HAT1: variants seen among roughly 807,000 people sequenced by gnomAD.
HAT1 encodes the protein histone acetyltransferase 1.
Under a neutral mutation model 56.6 loss-of-function variants are expected in HAT1, and 20 were observed. The observed-to-expected ratio is 0.35, with a 90% CI of 0.25 to 0.51. The LOEUF (loss-of-function observed/expected upper bound fraction) is 0.51, where lower values mean the gene tolerates loss of function less well. HAT1 is among the 20% of genes least tolerant of loss of function. The probability of loss-of-function intolerance (pLI) is 0.95; values close to 1 mark genes in which losing one functional copy is unlikely to be tolerated. For synonymous variants in HAT1, 146 were observed against 165.5 expected (o/e 0.88, Z 0.91); for missense variants, 408 against 504.3 (o/e 0.81, Z 1.83).
intron 2 of HAT1, among the ~76,000 whole-genome samples, chr2:171,936,737 T>C (rs760916060): frequency 2.0e-5 from 3 of 152,164 alleles, no homozygotes; most frequent in Non-Finnish European, 2.9e-5. Flanking sequence ...TAAAATTATA[T>C]AATTAAGCTT....
At chr2:171,959,295 G>A (rs967255276) in intron 4 of HAT1, among the ~76,000 whole-genome samples, 1 of 152,164 alleles carries the variant, frequency 6.6e-6, no homozygotes. Flanking sequence ...TAAAAATGCA[G>A]GTGATGTTTT....
chr2:171,935,564 G>C (rs1038997320), intron 2 of HAT1, among the ~76,000 whole-genome samples: 2 of 150,690 alleles, frequency 1.3e-5, no homozygotes, highest in African/African-American at 4.9e-5. Context: ...AAGTCTTGGT[G>C]GGGGCTGAAG....
intron 2 of HAT1, among the ~76,000 whole-genome samples, chr2:171,940,782 A>G (rs887680079): frequency 4.6e-5 from 7 of 152,180 alleles, no homozygotes; most frequent in African/African-American, 1.4e-4. Flanking sequence ...GAGAATGTGA[A>G]TCACCTGTTG....
At chr2:171,945,725 G>C (rs1687146951) in intron 2 of HAT1, among the ~76,000 whole-genome samples, 1 of 152,050 alleles carries the variant, frequency 6.6e-6, no homozygotes, top group South Asian at 2.1e-4. Flanking sequence ...CTGCAGTGCA[G>C]TGGCACGATC....
At chr2:171,945,434 G>A (rs960515801) in intron 2 of HAT1, among the ~76,000 whole-genome samples, 1 of 151,732 alleles carries the variant, frequency 6.6e-6, no homozygotes, top group East Asian at 1.9e-4. Flanking sequence ...TAAACTGCTT[G>A]TGGGTGTATA....
chr2:171,977,545 ATATATATATATATTTTTTTTTT>A (rs1688011433), intron 9 of HAT1, among the ~76,000 whole-genome samples: 2 of 14,062 alleles, frequency 1.4e-4, no homozygotes, highest in Non-Finnish European at 1.3e-4. Context: ...ATATATATAT[ATATATATATATATTTTTTTTTT>A]TTTTTTTTTT....
At chr2:171,975,633 C>T (rs1176119152) in intron 8 of HAT1, among the ~76,000 whole-genome samples, 1 of 152,108 alleles carries the variant, frequency 6.6e-6, no homozygotes, top group Admixed American at 6.6e-5. Context: ...TAAATTGTCT[C>T]ATTTGTTGGC....
At chr2:171,954,146 A>C (rs1574052132) in intron 4 of HAT1, among the ~76,000 whole-genome samples, 1 of 152,106 alleles carries the variant, frequency 6.6e-6, no homozygotes, top group East Asian at 1.9e-4. Flanking sequence ...TTGTGATCAG[A>C]GTTTTATTTT....
chr2:171,945,498 ATT>A (rs71013093), intron 2 of HAT1, among the ~76,000 whole-genome samples: 317 of 122,550 alleles, frequency 2.6e-3, no homozygotes, highest in Middle Eastern at 4.3e-3. Context: ...GCTATCTATA[ATT>A]TTTTTTTTTT....
chr2:171,975,366 A>T (rs2105344308), intron 8 of HAT1, among the ~76,000 whole-genome samples: 1 of 152,052 alleles, frequency 6.6e-6, no homozygotes, highest in East Asian at 1.9e-4. Context: ...CAGCCTTCCA[A>T]AGTGCTGGGA....
Position 171,925,525 on chromosome 2 carries a change from C to T in HAT1, c.8-12C>T. On this transcript the variant is annotated splice_polypyrimidine_tract_variant and intron_variant, in intron 1 of 10. Coordinates refer to ENST00000264108, the MANE Select transcript of HAT1 (RefSeq NM_003642.4). ...CTTCCAAACTAAACCTTTTAAAAACCTTTTCTCTTAGGATTTGGTGCTATG... is the reference window on the plus strand; with the variant it reads ...CTTCCAAACTAAACCTTTTAAAAACTTTTTCTCTTAGGATTTGGTGCTATG... 1 of 1,237,984 alleles carries T rather than the reference C, an allele frequency of 8.1e-7. No individual in the cohort carries two copies. Among genetic ancestry groups the T allele is most frequent in the Non-Finnish European group, 1.2e-6 (1 of 838,848 alleles). The allele number at this position is 1,237,984 out of a possible 1,614,324, so 76.7% of individuals were successfully genotyped here. A position where few individuals can be genotyped will look rare whatever the true frequency, so the allele number is the denominator to read the frequency against.
intron 10 of HAT1, 121 bp downstream of exon 10, chr2:171,979,484 G>A (rs1558982270): frequency 1.6e-6 from 1 of 624,030 alleles, no homozygotes; most frequent in Non-Finnish European, 2.9e-6. Context: ...TTTTACAAAA[G>A]TAGAAATATT....
In HAT1 at chr2:171,965,397, G is replaced by A. The variant is rs144253277; in HGVS notation, c.369G>A (p.Thr123=). The part of the protein sequence containing the change: ...QIIPPGFCTN[T]NDFLSLLEKE... ...TTCCACCTGGATTTTGCACAAACACGAATGATTTCCTTTCTTTACTGGAAA... is the reference window on the plus strand; with the variant it reads ...TTCCACCTGGATTTTGCACAAACACAAATGATTTCCTTTCTTTACTGGAAA... Residue 123 remains threonine, a synonymous_variant, in exon 5 of 11, where the codon ACG becomes ACA. Transcript: ENST00000264108. The A allele has an allele frequency of 6.8e-6, 11 of 1,611,904 alleles. No individual in the cohort carries two copies. In the East Asian group the frequency reaches 1.1e-4, roughly 16 times the overall value.
At chr2:171,928,374 G>C (rs1169003032) in intron 2 of HAT1, among the ~76,000 whole-genome samples, 1 of 152,176 alleles carries the variant, frequency 6.6e-6, no homozygotes, top group African/African-American at 2.4e-5. Context: ...ACCAAAATTA[G>C]CTTTCTGTGT....
chr2:171,979,480 A>G (rs529520217), intron 10 of HAT1, 117 bp downstream of exon 10: 1 of 634,632 alleles, frequency 1.6e-6, no homozygotes, highest in East Asian at 2.8e-5. Flanking sequence ...TAACTTTTAC[A>G]AAAGTAGAAA....
At chr2:171,965,561 C>A in intron 5 of HAT1, 44 bp downstream of exon 5, 1 of 1,267,010 alleles carries the variant, frequency 7.9e-7, no homozygotes, top group South Asian at 1.4e-5. Context: ...TTCTATTTGC[C>A]TGAAACCTGT....
intron 6 of HAT1, 96 bp from the exon 7 acceptor site, chr2:171,966,313 G>A: frequency 1.3e-6 from 1 of 755,454 alleles, no homozygotes; most frequent in Non-Finnish European, 2.4e-6. Context: ...GTAGCTTGCT[G>A]ACACTGAAAA....
chr2:171,944,385 T>C lies in HAT1; in HGVS notation c.113-2323T>C, dbSNP rs111309601. Among the ~76,000 whole-genome samples the C allele has an allele frequency of 3.5e-4, 53 of 152,338 alleles. 2 individuals carry two copies. The highest frequency in any genetic ancestry group is 1.3e-3 in the African/African-American group (53 of 41,580). On this transcript the variant is annotated intron_variant, in intron 2 of 10. Transcript: ENST00000264108. ...TAACTTCCTCCTCTATCCTCTGTAT[T>C]TCCTGTGAATTGGAAGGTAAAAAGC...
Position 171,949,817 on chromosome 2 carries a change from A to G in HAT1, c.188+3034A>G, listed in dbSNP as rs536442630. Among the ~76,000 whole-genome samples the G allele has an allele frequency of 4.9e-4, 74 of 152,204 alleles. 2 individuals carry two copies. The highest frequency in any genetic ancestry group is 9.7e-4 in the East Asian group (5 of 5,180). ...CGCACCTGGCTAAGGAGTCTTTTAC[A>G]ATTCAGTGGGCTATGTACAATCTGT... On this transcript the variant is annotated intron_variant, in intron 3 of 10. Coordinates refer to ENST00000264108, the MANE Select transcript of HAT1 (RefSeq NM_003642.4).
Sources: gnomAD v4.1 joint callset for allele counts (sites outside exome capture counted in the v4.1 genomes callset) on GRCh38, gnomAD v4.1.1 for gene constraint, MANE v1.5 for transcripts, NCBI Gene and HGNC (gene_info 2026-07-23, HGNC 2026-07-21) for gene names.